The following VOPP1 variants were observed in gnomAD, a reference collection of about 807,000 sequenced individuals.
VOPP1 encodes the protein WW domain binding protein VOPP1.
VOPP1 carries 8 observed loss-of-function variants against 23.5 expected under a neutral mutation model. The observed-to-expected ratio is 0.34, with a 90% CI of 0.20 to 0.61. VOPP1 has a LOEUF of 0.61. Among genes scored for constraint, VOPP1 ranks in the 20% least tolerant of loss-of-function variants. The probability of loss-of-function intolerance (pLI) is 0.78; values close to 1 mark genes in which losing one functional copy is unlikely to be tolerated. For synonymous variants in VOPP1, 83 were observed against 97.3 expected (o/e 0.85, Z 0.86); for missense variants, 174 against 238.1 (o/e 0.73, Z 1.77).
At chr7:55,533,440 A>C (rs1260138979) in intron 1 of VOPP1, among the ~76,000 whole-genome samples, 2 of 152,328 alleles carry the variant, frequency 1.3e-5, no homozygotes, top group African/African-American at 4.8e-5. Flanking sequence ...GTGCCAAGAA[A>C]AAAAAACAAA....
At chr7:55,470,038 CT>C (rs1791735277), downstream of VOPP1, among the ~76,000 whole-genome samples, 1 of 152,104 alleles carries the variant, frequency 6.6e-6, no homozygotes, top group South Asian at 2.1e-4. Flanking sequence ...GAACAAGACC[CT>C]GTCTCTAAAA....
chr7:55,556,637 C>CG (rs1315795454), intron 1 of VOPP1, among the ~76,000 whole-genome samples: 2 of 6,794 alleles, frequency 2.9e-4, no homozygotes, highest in Non-Finnish European at 1.2e-3. Context: ...GCTGTTGGAA[C>CG]CCCCCCCCAA....
chr7:55,529,614 C>T (rs1411617253), intron 1 of VOPP1, among the ~76,000 whole-genome samples: 1 of 152,164 alleles, frequency 6.6e-6, no homozygotes, highest in Non-Finnish European at 1.5e-5. Context: ...TAAAATCACC[C>T]ATTTTCAAGA....
chr7:55,547,032 G>A (rs371464370), intron 1 of VOPP1, among the ~76,000 whole-genome samples: 8 of 152,218 alleles, frequency 5.3e-5, no homozygotes, highest in Admixed American at 1.3e-4. Flanking sequence ...TCTGCCAACC[G>A]CCCAGACTGG....
chr7:55,486,667 C>T (rs778533683), intron 4 of VOPP1, among the ~76,000 whole-genome samples: 37 of 152,224 alleles, frequency 2.4e-4, no homozygotes, highest in Non-Finnish European at 4.4e-4. Flanking sequence ...CAACCAGTTT[C>T]CTTCTGCCAT....
intron 1 of VOPP1, among the ~76,000 whole-genome samples, chr7:55,548,730 T>C (rs951068813): frequency 6.6e-6 from 1 of 152,254 alleles, no homozygotes; most frequent in Non-Finnish European, 1.5e-5. Flanking sequence ...GTTTACCACA[T>C]TCCTCTTGGC....
At chr7:55,457,741 C>T (rs11766564) in intron 4 of VOPP1, among the ~76,000 whole-genome samples, 17,025 of 151,982 alleles carry the variant, frequency 0.11, 1,197 homozygotes, top group Non-Finnish European at 0.16. Context: ...TATACTTGGC[C>T]ATTTGTATGT....
intron 4 of VOPP1, among the ~76,000 whole-genome samples, chr7:55,484,428 A>G (rs1792976030): frequency 6.6e-6 from 1 of 151,902 alleles, no homozygotes; most frequent in African/African-American, 2.4e-5. Flanking sequence ...CACTTCTCCA[A>G]CCTACAGTCG....
intron 4 of VOPP1, among the ~76,000 whole-genome samples, chr7:55,446,283 G>A (rs964747330): frequency 1.6e-4 from 24 of 152,244 alleles, no homozygotes; most frequent in East Asian, 1.5e-3. Flanking sequence ...GTGAGCCACC[G>A]CGCCCGGCCG....
At chr7:55,465,932 T>TC (rs1444573127), downstream of VOPP1, among the ~76,000 whole-genome samples, 3 of 152,166 alleles carry the variant, frequency 2.0e-5, no homozygotes, top group Non-Finnish European at 2.9e-5. Flanking sequence ...AATGTCTGTG[T>TC]CCCCCCAAAT....
chr7:55,520,209 T>C (rs1170871448), intron 2 of VOPP1, among the ~76,000 whole-genome samples: 1 of 152,236 alleles, frequency 6.6e-6, no homozygotes, highest in Non-Finnish European at 1.5e-5. Flanking sequence ...TATTATTATA[T>C]ATCTCCTATC....
At chr7:55,481,913 C>T (rs969478285) in intron 4 of VOPP1, among the ~76,000 whole-genome samples, 3 of 150,398 alleles carry the variant, frequency 2.0e-5, no homozygotes, top group Non-Finnish European at 4.4e-5. Context: ...CAAACGTATT[C>T]GGACACCTTT....
rs761342498 is a variant in VOPP1, at chr7:55,492,347, G to T, written c.263C>A (p.Pro88Gln). ...GAAGGCTGGCTCCTCGATCAGCGGC[G>T]GGGGGTACATGCGCCTCCGGATGAA... is the stretch of plus-strand genomic sequence containing the variant. ...GFFIRRRMYPPPLIEEPAFNV... is the reference protein window; with the variant it reads ...GFFIRRRMYPQPLIEEPAFNV... The change falls in exon 4 of 5, where the codon CCG becomes CAG. Residue 88 changes from proline to glutamine, a missense_variant. Physicochemically the swap from Pro to Gln is moderately conservative, Grantham distance 76 (BLOSUM62 -1). Transcript: ENST00000285279. 5 of 1,608,560 alleles carry T rather than the reference G, an allele frequency of 3.1e-6. No homozygotes were observed. Among genetic ancestry groups the T allele is most frequent in the South Asian group, 1.1e-5 (1 of 90,144 alleles).
chr7:55,566,079 G>A (rs1250669581), intron 1 of VOPP1, among the ~76,000 whole-genome samples: 1 of 152,170 alleles, frequency 6.6e-6, no homozygotes, highest in African/African-American at 2.4e-5. Flanking sequence ...TGAAGCCAAT[G>A]AAAGTGACAA....
intron 1 of VOPP1, among the ~76,000 whole-genome samples, 189 bp from the exon 2 acceptor site, chr7:55,521,319 T>C (rs1465376800): frequency 6.6e-6 from 1 of 152,178 alleles, no homozygotes; most frequent in African/African-American, 2.4e-5. Flanking sequence ...CTTTAAAACA[T>C]CTATTTTTCT....
At chr7:55,476,418 C>A (rs574695678) in intron 4 of VOPP1, among the ~76,000 whole-genome samples, 2 of 107,368 alleles carry the variant, frequency 1.9e-5, no homozygotes, top group East Asian at 5.5e-4. Context: ...GCTGACTGGC[C>A]AGTGGCGTGT....
chr7:55,564,444 A>G (rs1798097313), intron 1 of VOPP1, among the ~76,000 whole-genome samples: 1 of 152,114 alleles, frequency 6.6e-6, no homozygotes, highest in Non-Finnish European at 1.5e-5. Context: ...TCCTCTCAGT[A>G]TTAAAAGTCA....
chr7:55,549,994 T>C (rs773603007), intron 1 of VOPP1, among the ~76,000 whole-genome samples: 1 of 152,168 alleles, frequency 6.6e-6, no homozygotes, highest in Non-Finnish European at 1.5e-5. Flanking sequence ...ATCCACTTCA[T>C]GAGCCAGGCC....
intron 4 of VOPP1, among the ~76,000 whole-genome samples, chr7:55,445,244 G>GACACACAC (rs202053072): frequency 3.3e-5 from 4 of 121,390 alleles, no homozygotes; most frequent in African/African-American, 1.4e-4. Flanking sequence ...CACACACACA[G>GACACACAC]ACACACACAC....
Sources: gnomAD v4.1 joint callset for allele counts (sites outside exome capture counted in the v4.1 genomes callset) on GRCh38, gnomAD v4.1.1 for gene constraint, MANE v1.5 for transcripts, NCBI Gene and HGNC (gene_info 2026-07-23, HGNC 2026-07-21) for gene names.